The following KIAA0825 variants were observed in gnomAD, a reference collection of about 807,000 sequenced individuals.
KIAA0825 encodes the protein KIAA0825, also known as uncharacterized protein KIAA0825.
A neutral mutation model predicts 147.6 loss-of-function variants in KIAA0825; 119 were observed. The observed-to-expected ratio is 0.81, with a 90% CI of 0.69 to 0.94. The LOEUF (loss-of-function observed/expected upper bound fraction) is 0.94, where lower values mean the gene tolerates loss of function less well. Ranked by LOEUF, KIAA0825 falls within the 40% of genes least tolerant of loss-of-function variation. KIAA0825 has a pLI of 0.00. For synonymous variants in KIAA0825, 470 were observed against 518.1 expected, an observed-to-expected ratio of 0.91 and a Z score of 1.26; for missense variants, 1,381 against 1,472.7, an observed-to-expected ratio of 0.94 and a Z score of 1.02.
intron 12 of KIAA0825, among the ~76,000 whole-genome samples, chr5:94,459,532 C>G (rs1213670752): frequency 6.6e-6 from 1 of 152,080 alleles, no homozygotes; most frequent in Non-Finnish European, 1.5e-5. Flanking sequence ...GCCATAACCT[C>G]GAAAGGCCTA....
At chr5:94,421,658 A>G (rs1754203672) in intron 14 of KIAA0825, among the ~76,000 whole-genome samples, 1 of 152,156 alleles carries the variant, frequency 6.6e-6, no homozygotes, top group Non-Finnish European at 1.5e-5. Context: ...AATATAGTTT[A>G]GGTTTTCTTT....
chr5:94,304,222 T>C (rs1778581510), intron 20 of KIAA0825, among the ~76,000 whole-genome samples: 1 of 152,118 alleles, frequency 6.6e-6, no homozygotes, highest in African/African-American at 2.4e-5. Context: ...TGCTTCTTAC[T>C]AGTCACATGA....
At position 94,176,151 on chromosome 5, in the gene KIAA0825, T is replaced by C. The variant is rs76657801; in HGVS notation, c.3711-22027A>G. The stretch of plus-strand genomic sequence containing the variant: ...TCATGGGGGCAGATCCCTCAAGAAA[T>C]AGATTAATGCTCTCTTGCAAGGGTG... On this transcript the variant is annotated intron_variant, in intron 20 of 20. Transcript: ENST00000682413. Among the ~76,000 whole-genome samples the C allele has an allele frequency of 4.0e-3, 616 of 152,100 alleles. 4 individuals carry two copies. The highest frequency in any genetic ancestry group is 0.014 in the African/African-American group (593 of 41,494).
At chr5:94,482,112 A>T (rs924152018) in intron 6 of KIAA0825, among the ~76,000 whole-genome samples, 2 of 152,068 alleles carry the variant, frequency 1.3e-5, no homozygotes, top group African/African-American at 4.8e-5. Flanking sequence ...AATCATGACC[A>T]AACAAAAGCA....
At chr5:94,215,939 T>C (rs544654593) in intron 20 of KIAA0825, among the ~76,000 whole-genome samples, 15 of 152,242 alleles carry the variant, frequency 9.9e-5, no homozygotes, top group African/African-American at 3.1e-4. Flanking sequence ...TTCTAGACAA[T>C]TTCACCACGA....
At chr5:94,591,630 A>C (rs965562183) in intron 1 of KIAA0825, among the ~76,000 whole-genome samples, 3 of 152,232 alleles carry the variant, frequency 2.0e-5, no homozygotes, top group African/African-American at 4.8e-5. Flanking sequence ...TCTTTTTTCT[A>C]ATATGAATGC....
chr5:94,561,325 T>C (rs1304818095), intron 2 of KIAA0825, among the ~76,000 whole-genome samples: 1 of 152,254 alleles, frequency 6.6e-6, no homozygotes, highest in African/African-American at 2.4e-5. Flanking sequence ...CTCATTTGGC[T>C]GTTCCTACAT....
chr5:94,172,680 T>G (rs1768733727), intron 20 of KIAA0825, among the ~76,000 whole-genome samples: 1 of 152,148 alleles, frequency 6.6e-6, no homozygotes, highest in Non-Finnish European at 1.5e-5. Context: ...GAATTTTGTT[T>G]GACTCATGAT....
rs1020458483 is a variant in KIAA0825 at position 94,217,414 on chromosome 5, C to T, written c.3711-63290G>A. ...GCAGAGCCCCATAAATGAGAAGCCACGAAGACTGAGGTTACACAGTGATCC... is the reference window on the plus strand; with the variant it reads ...GCAGAGCCCCATAAATGAGAAGCCATGAAGACTGAGGTTACACAGTGATCC... On this transcript the variant is annotated intron_variant, in intron 20 of 20. Coordinates refer to ENST00000682413, the MANE Select transcript of KIAA0825 (RefSeq NM_001145678.3). Among the ~76,000 whole-genome samples the T allele has an allele frequency of 3.3e-5, 5 of 152,224 alleles. No homozygotes were observed. In the South Asian group the frequency reaches 8.3e-4, roughly 25 times the overall value.
chr5:94,159,032 G>A (rs1377646532), intron 20 of KIAA0825, among the ~76,000 whole-genome samples: 3 of 152,220 alleles, frequency 2.0e-5, no homozygotes, highest in African/African-American at 4.8e-5. Flanking sequence ...AGAGGTGGGT[G>A]ATTGCTGGCA....
Position 94,396,429 on chromosome 5 carries a change from C to T in KIAA0825, c.2968G>A (p.Val990Ile), listed in dbSNP as rs2150583082. The T allele has an allele frequency of 1.3e-6, 2 of 1,547,516 alleles. No homozygotes were observed. Among genetic ancestry groups the T allele is most frequent in the South Asian group, 1.2e-5 (1 of 83,184 alleles). ...PTVIACLPPPVKYFFFLSERK... is the reference protein window; with the variant it reads ...PTVIACLPPPIKYFFFLSERK... ...TCAGACAGAAAAAAGAAGTATTTAA[C>T]TGGGGGAGGCAAACATGCAATCACC... The change falls in exon 17 of 21, where the codon GTT becomes ATT. Residue 990 changes from valine to isoleucine, a missense_variant. Coordinates refer to ENST00000682413, the MANE Select transcript of KIAA0825 (RefSeq NM_001145678.3).
chr5:94,298,848 G>A (rs986673934), intron 20 of KIAA0825, among the ~76,000 whole-genome samples: 2 of 152,166 alleles, frequency 1.3e-5, no homozygotes, highest in Admixed American at 1.3e-4. Flanking sequence ...GAATCAGTTG[G>A]CAAGGTAGTT....
At chr5:94,239,326 G>A (rs966821668) in intron 20 of KIAA0825, among the ~76,000 whole-genome samples, 6 of 152,132 alleles carry the variant, frequency 3.9e-5, no homozygotes, top group South Asian at 4.1e-4. Flanking sequence ...TATGAGAAAC[G>A]GTCTCAGAGT....
intron 20 of KIAA0825, among the ~76,000 whole-genome samples, chr5:94,267,275 G>A (rs1776776191): frequency 6.6e-6 from 1 of 152,202 alleles, no homozygotes; most frequent in Non-Finnish European, 1.5e-5. Context: ...ATTTTAATGA[G>A]ACTGATGGTC....
chr5:94,204,628 A>G (rs1771986755), intron 20 of KIAA0825, among the ~76,000 whole-genome samples: 1 of 152,204 alleles, frequency 6.6e-6, no homozygotes, highest in African/African-American at 2.4e-5. Context: ...GCATAAGCTG[A>G]TTGAATGGTT....
chr5:94,595,121 T>C (rs1373991895), intron 1 of KIAA0825, among the ~76,000 whole-genome samples: 1 of 152,166 alleles, frequency 6.6e-6, no homozygotes, highest in Admixed American at 6.5e-5. Flanking sequence ...ATGGTGGCTC[T>C]CTTCTCACAG....
intron 20 of KIAA0825, among the ~76,000 whole-genome samples, chr5:94,356,357 C>A (rs1352884991): frequency 2.0e-5 from 3 of 151,876 alleles, no homozygotes; most frequent in Non-Finnish European, 4.4e-5. Context: ...CCTGTAATCC[C>A]AGCACTTTGG....
At chr5:94,195,323 T>C (rs955012834) in intron 20 of KIAA0825, among the ~76,000 whole-genome samples, 1 of 152,230 alleles carries the variant, frequency 6.6e-6, no homozygotes, top group Non-Finnish European at 1.5e-5. Flanking sequence ...GATTTTTGAA[T>C]TGATAATTTC....
intron 20 of KIAA0825, among the ~76,000 whole-genome samples, chr5:94,302,445 C>G (rs189295110): frequency 6.6e-6 from 1 of 151,960 alleles, no homozygotes; most frequent in South Asian, 2.1e-4. Context: ...GATTTTAACA[C>G]GGGGTATTGA....
Sources: allele counts gnomAD v4.1 joint callset (sites outside exome capture counted in the v4.1 genomes callset), GRCh38; gene constraint gnomAD v4.1.1; transcripts MANE v1.5; gene names NCBI Gene and HGNC (gene_info 2026-07-23, HGNC 2026-07-21).